Variants in SORCS2 observed in about 807,000 individuals in gnomAD.
SORCS2 encodes the protein sortilin related VPS10 domain containing receptor 2.
Under a neutral mutation model 141.6 loss-of-function variants are expected in SORCS2, and 100 were observed. That is an observed-to-expected ratio of 0.71 (90% CI 0.60 to 0.83). SORCS2 has a LOEUF of 0.83. Ranked by LOEUF, SORCS2 falls within the 40% of genes least tolerant of loss-of-function variation. The pLI, the probability that SORCS2 is intolerant of heterozygous loss-of-function variation, is 0.00. For missense variants in SORCS2, 1,646 were observed against 1,560.2 expected (o/e 1.05, Z -0.93); for synonymous variants, 789 against 676.9 (o/e 1.17, Z -2.57).
chr4:7,454,852 G>T (rs1414379933), intron 2 of SORCS2, among the ~76,000 whole-genome samples: 1 of 128,100 alleles, frequency 7.8e-6, no homozygotes, highest in Admixed American at 7.9e-5. Flanking sequence ...GGGGTCAGGT[G>T]CTGTGTTGGG....
intron 1 of SORCS2, among the ~76,000 whole-genome samples, chr4:7,225,369 G>T (rs1330601496): frequency 6.6e-6 from 1 of 152,358 alleles, no homozygotes; most frequent in Non-Finnish European, 1.5e-5. Context: ...GCTCAGAGCA[G>T]ACCGGAATCG....
Position 7,663,298 on chromosome 4 carries a change from GTGAC to G in SORCS2, c.953-1051_953-1048del, listed in dbSNP as rs1477739747. Among the ~76,000 whole-genome samples, 4 of 152,028 alleles carry G rather than the reference GTGAC, an allele frequency of 2.6e-5. No individual in the cohort carries two copies. Among genetic ancestry groups the G allele is most frequent in the African/African-American group, 4.8e-5 (2 of 41,398 alleles). ...AATGAATAAGTGAGTGAGTGAATGA[GTGAC>G]TGAGTGAATGAATGAGTGAGTGAGT... On this transcript the variant is annotated intron_variant, in intron 6 of 26. Transcript: ENST00000507866. This position sits in a 1 kb window ranked among gnomAD's most constrained non-coding sequence, Gnocchi z 4.8.
At chr4:7,650,729 A>T (rs1368418512) in intron 4 of SORCS2, among the ~76,000 whole-genome samples, 1 of 31,048 alleles carries the variant, frequency 3.2e-5, no homozygotes, top group Non-Finnish European at 6.5e-5. Flanking sequence ...CGCCCCGCCC[A>T]GCCCAGCCCA....
At chr4:7,520,397 C>A (rs1733250040) in intron 2 of SORCS2, among the ~76,000 whole-genome samples, 1 of 152,166 alleles carries the variant, frequency 6.6e-6, no homozygotes, top group South Asian at 2.1e-4. Flanking sequence ...TGGGTCAGGT[C>A]CGAGGTCATG....
At chr4:7,564,203 C>A (rs1292130597) in intron 3 of SORCS2, among the ~76,000 whole-genome samples, 1 of 152,196 alleles carries the variant, frequency 6.6e-6, no homozygotes, top group Non-Finnish European at 1.5e-5. Flanking sequence ...GTCACACACA[C>A]ACTTGAGGCC....
At chr4:7,723,377 G>A (rs566496110) in intron 18 of SORCS2, among the ~76,000 whole-genome samples, 1 of 152,156 alleles carries the variant, frequency 6.6e-6, no homozygotes, top group Admixed American at 6.5e-5. Context: ...TCTCCCCCGG[G>A]CCCTGACTGC....
intron 1 of SORCS2, among the ~76,000 whole-genome samples, chr4:7,210,962 G>C (rs908139446): frequency 6.6e-6 from 1 of 152,208 alleles, no homozygotes; most frequent in Non-Finnish European, 1.5e-5. Flanking sequence ...TCTGGGAGTG[G>C]AACGGTGACC....
Position 7,738,002 on chromosome 4 carries a change from G to A in SORCS2, c.3415+830G>A, listed in dbSNP as rs1005579960. ...CATGGCGGCTGACTTCCAAGAGCAT[G>A]TGGAGGGAGGTGGCCAGGCAGGAGC... On this transcript the variant is annotated intron_variant, in intron 26 of 26. Transcript: ENST00000507866. 2.0e-5 allele frequency among the ~76,000 whole-genome samples: 3 copies of A among 152,252 alleles called. No homozygotes were observed. In the East Asian group the frequency reaches 5.8e-4, roughly 29 times the overall value.
intron 3 of SORCS2, among the ~76,000 whole-genome samples, chr4:7,623,880 CAAGAGCAGAGG>C (rs1368313934): frequency 6.6e-6 from 1 of 152,172 alleles, no homozygotes; most frequent in Non-Finnish European, 1.5e-5. Flanking sequence ...AGGCTGAAAT[CAAGAGCAGAGG>C]AAGAGCAGCG....
chr4:7,688,675 C>T (rs80072311), intron 10 of SORCS2, among the ~76,000 whole-genome samples: 2,183 of 151,856 alleles, frequency 0.014, 56 homozygotes, highest in African/African-American at 0.05. Flanking sequence ...CTGAGGATTG[C>T]GCTGCCTCAC....
intron 1 of SORCS2, among the ~76,000 whole-genome samples, chr4:7,241,952 C>T (rs1318317710): frequency 1.3e-5 from 2 of 152,226 alleles, no homozygotes. Flanking sequence ...GTGGAGTTCA[C>T]AGCATCCCTG....
At chr4:7,581,977 C>T (rs1716189048) in intron 3 of SORCS2, among the ~76,000 whole-genome samples, 1 of 152,046 alleles carries the variant, frequency 6.6e-6, no homozygotes, top group African/African-American at 2.4e-5. Context: ...GAATTTTTAT[C>T]ATATAAGTAT....
chr4:7,661,869 G>A (rs1452264472), intron 6 of SORCS2, among the ~76,000 whole-genome samples: 1 of 152,102 alleles, frequency 6.6e-6, no homozygotes, highest in South Asian at 2.1e-4. Flanking sequence ...GGAGGTGGGG[G>A]GCGGGGGTGG....
chr4:7,392,906 G>A (rs113863351), intron 1 of SORCS2, among the ~76,000 whole-genome samples: 1 of 149,888 alleles, frequency 6.7e-6, no homozygotes, highest in Non-Finnish European at 1.5e-5. Context: ...GTCGGGGGGG[G>A]GGGGGTGCTG....
At position 7,192,765 on chromosome 4, in the gene SORCS2, T is replaced by C; in HGVS notation, c.119T>C (p.Leu40Pro). 2 of 1,004,024 alleles carry C rather than the reference T, an allele frequency of 2.0e-6. No individual in the cohort carries two copies. Among genetic ancestry groups the C allele is most frequent in the Non-Finnish European group, 2.4e-6 (2 of 844,238 alleles). 62.2% of individuals were successfully genotyped at this position (1,004,024 alleles called of 1,614,324 possible). The change falls in exon 1 of 27, where the codon CTG (leucine) becomes CCG (proline). Residue 40 changes from leucine to proline, a missense_variant. Leu to Pro is a moderately conservative substitution (Grantham distance 98). Transcript: ENST00000507866. The surrounding 1 kb of genome is among the most constrained non-coding windows in gnomAD (Gnocchi z 4.0). ...CGCTCGCGGCCGCTCCTGCTGCTGC[T>C]GCTGCTGCTGGGCGCCTGCGGGGCG... Reference protein sequence around the residue: ...SPRSRPLLLLLLLLGACGAAG... With the variant: ...SPRSRPLLLLPLLLGACGAAG...
intron 3 of SORCS2, among the ~76,000 whole-genome samples, chr4:7,633,380 C>G (rs549347563): frequency 5.9e-5 from 9 of 152,280 alleles, no homozygotes; most frequent in African/African-American, 2.2e-4. Context: ...CTGCCTGAAG[C>G]CCCGTCCCCC....
intron 1 of SORCS2, among the ~76,000 whole-genome samples, chr4:7,248,210 C>T (rs553691589): frequency 2.0e-5 from 3 of 152,326 alleles, no homozygotes; most frequent in East Asian, 1.9e-4. Flanking sequence ...ATTCCATGAT[C>T]GCATGGGGTC....
At position 7,660,509 on chromosome 4, in the gene SORCS2, G is replaced by A. The variant is rs191032137; in HGVS notation, c.888-991G>A. On this transcript the variant is annotated intron_variant, in intron 5 of 26. Transcript: ENST00000507866. ...TCTGAAGCTGGGACCACCCCCAAAGGAGGCAGAGTCCCATAACAGATGGGA... is the reference window on the plus strand; with the variant it reads ...TCTGAAGCTGGGACCACCCCCAAAGAAGGCAGAGTCCCATAACAGATGGGA... Among the ~76,000 whole-genome samples, 726 of 152,332 alleles carry A rather than the reference G, an allele frequency of 4.8e-3. 2 individuals are homozygous for A. Among genetic ancestry groups the A allele is most frequent in the Non-Finnish European group, 7.9e-3 (535 of 68,028 alleles).
chr4:7,412,579 G>T (rs1362672623), intron 2 of SORCS2, among the ~76,000 whole-genome samples: 1 of 152,096 alleles, frequency 6.6e-6, no homozygotes, highest in East Asian at 1.9e-4. Context: ...GTCGGGTGAT[G>T]ATTTGATTCT....
Sources: allele counts gnomAD v4.1 joint callset (sites outside exome capture counted in the v4.1 genomes callset), GRCh38; gene constraint gnomAD v4.1.1; non-coding constraint Gnocchi (gnomAD v3.1); transcripts MANE v1.5; gene names NCBI Gene and HGNC (gene_info 2026-07-23, HGNC 2026-07-21).